DLG2: variants seen among roughly 807,000 people sequenced by gnomAD.
The protein encoded by DLG2 is discs large MAGUK scaffold protein 2.
Under a neutral mutation model 132.5 loss-of-function variants are expected in DLG2, and 45 were observed. The ratio of observed to expected loss-of-function variants is 0.34; its 90% CI spans 0.27 to 0.44. The LOEUF is 0.44. Among genes scored for constraint, DLG2 ranks in the 20% least tolerant of loss-of-function variants. The probability of loss-of-function intolerance (pLI) is 1.00; values close to 1 mark genes in which losing one functional copy is unlikely to be tolerated. For missense variants in DLG2, 1,045 were observed against 1,196.9 expected, an observed-to-expected ratio of 0.87 and a Z score of 1.87; for synonymous variants, 424 against 419.6, an observed-to-expected ratio of 1.01 and a Z score of -0.13.
At chr11:84,015,176 T>C (rs748206129) in intron 11 of DLG2, among the ~76,000 whole-genome samples, 3 of 152,144 alleles carry the variant, frequency 2.0e-5, no homozygotes, top group Non-Finnish European at 4.4e-5. Context: ...TTACAAACAA[T>C]TTATAAGCAG....
chr11:85,082,114 T>C (rs1049715358), intron 6 of DLG2, among the ~76,000 whole-genome samples: 2 of 152,160 alleles, frequency 1.3e-5, no homozygotes, highest in South Asian at 2.1e-4. Flanking sequence ...CAGATATACA[T>C]GCCAAAAAAA....
At chr11:85,030,750 T>G (rs1383728914) in intron 6 of DLG2, among the ~76,000 whole-genome samples, 2 of 152,148 alleles carry the variant, frequency 1.3e-5, no homozygotes, top group Non-Finnish European at 2.9e-5. Flanking sequence ...GTGACTTTAT[T>G]TTCTCTTACA....
chr11:83,967,870 T>C, intron 12 of DLG2, among the ~76,000 whole-genome samples: 1 of 152,156 alleles, frequency 6.6e-6, no homozygotes, highest in Non-Finnish European at 1.5e-5. Context: ...GTTTAGGTCT[T>C]TTAGCCAAAT....
intron 11 of DLG2, among the ~76,000 whole-genome samples, chr11:84,040,620 G>A (rs1283992781): frequency 6.6e-6 from 1 of 151,854 alleles, no homozygotes; most frequent in Non-Finnish European, 1.5e-5. Context: ...TTTGGTTACT[G>A]TAGCCTTGTA....
chr11:84,934,804 G>C (rs1410099593), intron 6 of DLG2, among the ~76,000 whole-genome samples: 1 of 151,586 alleles, frequency 6.6e-6, no homozygotes, highest in African/African-American at 2.4e-5. Context: ...TGTTTCTCTT[G>C]TTTTTCCATT....
intron 14 of DLG2, among the ~76,000 whole-genome samples, chr11:83,944,528 T>C (rs1334221009): frequency 6.6e-6 from 1 of 152,140 alleles, no homozygotes; most frequent in Non-Finnish European, 1.5e-5. Flanking sequence ...GTATAGCCGA[T>C]GGAAGTCAGA....
At chr11:84,700,788 C>T (rs1296674382) in intron 6 of DLG2, among the ~76,000 whole-genome samples, 1 of 151,506 alleles carries the variant, frequency 6.6e-6, no homozygotes, top group Non-Finnish European at 1.5e-5. Flanking sequence ...ATAGAGGACA[C>T]ACAACGTAAC....
chr11:85,478,024 TAA>T (rs926800536), intron 3 of DLG2, among the ~76,000 whole-genome samples: 2 of 151,738 alleles, frequency 1.3e-5, no homozygotes, highest in Non-Finnish European at 2.9e-5. Context: ...TTTTTTTTTT[TAA>T]GAGACAGCTT....
At chr11:85,061,997 GA>G (rs1002647490) in intron 6 of DLG2, among the ~76,000 whole-genome samples, 5 of 151,716 alleles carry the variant, frequency 3.3e-5, no homozygotes, top group African/African-American at 1.2e-4. Flanking sequence ...TGAAAAATTT[GA>G]GGTTAACACA....
At chr11:84,151,770 T>C (rs2095300629) in intron 9 of DLG2, among the ~76,000 whole-genome samples, 1 of 152,224 alleles carries the variant, frequency 6.6e-6, no homozygotes, top group African/African-American at 2.4e-5. Flanking sequence ...TTTCAAAGAA[T>C]TTTTTATTTC....
At chr11:83,562,263 G>A (rs7938428) in intron 19 of DLG2, among the ~76,000 whole-genome samples, 6,363 of 149,498 alleles carry the variant, frequency 0.043, 474 homozygotes, top group African/African-American at 0.16. Context: ...CTCTTATATA[G>A]TTAAAGTGAC....
chr11:83,914,634 T>C (rs80075271), intron 15 of DLG2, among the ~76,000 whole-genome samples: 3,791 of 152,222 alleles, frequency 0.025, 170 homozygotes, highest in African/African-American at 0.086. Flanking sequence ...ATTTTATGGA[T>C]AAGGAAACTA....
intron 14 of DLG2, among the ~76,000 whole-genome samples, chr11:83,950,691 T>C (rs1414874799): frequency 1.3e-5 from 2 of 152,238 alleles, no homozygotes; most frequent in Non-Finnish European, 2.9e-5. Context: ...TTTACAATAT[T>C]GTCTCCCATT....
chr11:85,386,072 T>C (rs2086297652), intron 3 of DLG2, among the ~76,000 whole-genome samples: 1 of 152,186 alleles, frequency 6.6e-6, no homozygotes, highest in Admixed American at 6.5e-5. Flanking sequence ...GTTACTGAAA[T>C]TTCATTTTTA....
intron 6 of DLG2, among the ~76,000 whole-genome samples, chr11:84,648,009 TTTACA>T (rs1162647310): frequency 6.6e-6 from 1 of 152,132 alleles, no homozygotes. Context: ...ATTAGCCCCT[TTTACA>T]GATGAAGAAA....
intron 4 of DLG2, among the ~76,000 whole-genome samples, chr11:85,220,187 T>A (rs2074541014): frequency 6.6e-6 from 1 of 151,722 alleles, no homozygotes; most frequent in African/African-American, 2.4e-5. Flanking sequence ...GATATCAAAT[T>A]TTGGTAACTT....
At chr11:85,478,782 G>A (rs1318117369) in intron 3 of DLG2, among the ~76,000 whole-genome samples, 1 of 152,106 alleles carries the variant, frequency 6.6e-6, no homozygotes, top group Non-Finnish European at 1.5e-5. Flanking sequence ...ATATTGCTCT[G>A]AACACAGTAT....
chr11:84,279,337 G>A (rs2097825622), intron 7 of DLG2, among the ~76,000 whole-genome samples: 1 of 152,178 alleles, frequency 6.6e-6, no homozygotes, highest in South Asian at 2.1e-4. Flanking sequence ...TGGAGAAATA[G>A]GAACAATTTT....
At chr11:85,407,056 T>C (rs1463347896) in intron 3 of DLG2, among the ~76,000 whole-genome samples, 1 of 151,888 alleles carries the variant, frequency 6.6e-6, no homozygotes, top group Non-Finnish European at 1.5e-5. Context: ...AAGAGTATTC[T>C]TGGCAGCTTA....
Sources: gnomAD v4.1 joint callset for allele counts (sites outside exome capture counted in the v4.1 genomes callset) on GRCh38, gnomAD v4.1.1 for gene constraint, MANE v1.5 for transcripts, NCBI Gene and HGNC (gene_info 2026-07-23, HGNC 2026-07-21) for gene names.